The following ABCC12 variants were observed in gnomAD, a reference collection of about 807,000 sequenced individuals.
ABCC12 encodes ATP binding cassette subfamily C member 12.
In ABCC12, 142 loss-of-function variants were observed where a neutral mutation model predicts 151.1. The observed-to-expected ratio is 0.94, with a 90% CI of 0.82 to 1.08. The LOEUF is 1.08. Ranked by LOEUF, ABCC12 falls within the 50% of genes least tolerant of loss-of-function variation. The probability of loss-of-function intolerance (pLI) is 0.00; values close to 1 mark genes in which losing one functional copy is unlikely to be tolerated. For synonymous variants in ABCC12, 645 were observed against 646.4 expected, an observed-to-expected ratio of 1.00 and a Z score of 0.03; for missense variants, 1,638 against 1,691.1, an observed-to-expected ratio of 0.97 and a Z score of 0.55.
chr16:48,117,567 C>T (rs1311553173), intron 13 of ABCC12, among the ~76,000 whole-genome samples: 1 of 152,210 alleles, frequency 6.6e-6, no homozygotes, highest in Admixed American at 6.5e-5. Flanking sequence ...GGCCCCTTCC[C>T]TGGCAGGGTT....
At position 48,111,737 on chromosome 16, in the gene ABCC12, C is replaced by T. The variant is rs770936990; in HGVS notation, c.2124+39G>A. 22 of 1,613,816 alleles carry T rather than the reference C, an allele frequency of 1.4e-5. 1 individual carries two copies. Among genetic ancestry groups the T allele is most frequent in the East Asian group, 4.5e-5 (2 of 44,868 alleles). On this transcript the variant is annotated intron_variant, in intron 16 of 30. Transcript: ENST00000311303. ...CCAGGCACGAAATCCTGAGGGATTCCGCCCCAATTGTTCCCACACCTGCCC... is the reference window on the plus strand; with the variant it reads ...CCAGGCACGAAATCCTGAGGGATTCTGCCCCAATTGTTCCCACACCTGCCC...
chr16:48,105,521 T>C (rs1963462638), intron 20 of ABCC12, among the ~76,000 whole-genome samples, 185 bp from the exon 21 acceptor site: 1 of 152,206 alleles, frequency 6.6e-6, no homozygotes, highest in East Asian at 1.9e-4. Context: ...GGGTTCCTCC[T>C]GCTGGCACTC....
chr16:48,122,525 A>T (rs1964106466), intron 12 of ABCC12, among the ~76,000 whole-genome samples: 1 of 152,204 alleles, frequency 6.6e-6, no homozygotes, highest in African/African-American at 2.4e-5. Flanking sequence ...AGACAATGGT[A>T]GACAGCGGGG....
At chr16:48,146,072 T>C (rs8054564) in intron 3 of ABCC12, among the ~76,000 whole-genome samples, 14,783 of 152,144 alleles carry the variant, frequency 0.097, 820 homozygotes, top group African/African-American at 0.16. Flanking sequence ...CTTGGACAGG[T>C]CTGGATCATG....
Position 48,104,372 on chromosome 16 carries a change from T to C in ABCC12, c.2674-4A>G, listed in dbSNP as rs776698705. ...AACTCATTGGGCTCTTTAAGATCTG[T>C]GGAGAATGGTAGAGAGTCAAACAGA... On this transcript the variant is annotated splice_polypyrimidine_tract_variant and splice_region_variant and intron_variant, in intron 21 of 30. Coordinates refer to ENST00000311303, the MANE Select transcript of ABCC12 (RefSeq NM_001393797.1). 1.2e-6 allele frequency: 2 copies of C among 1,613,558 alleles called. No individual in the cohort carries two copies. The highest frequency in any genetic ancestry group is 1.1e-5 in the South Asian group (1 of 91,060).
At chr16:48,109,929 C>T (rs1757828059) in intron 18 of ABCC12, among the ~76,000 whole-genome samples, 4 of 152,208 alleles carry the variant, frequency 2.6e-5, no homozygotes, top group South Asian at 4.1e-4. Flanking sequence ...CTTTCACCGC[C>T]CTTGACAGCC....
chr16:48,121,595 T>C, intron 13 of ABCC12, 121 bp downstream of exon 13: 2 of 1,298,212 alleles, frequency 1.5e-6, no homozygotes, highest in Non-Finnish European at 2.1e-6. Flanking sequence ...ATCTGATGAA[T>C]GTTTAATCAG....
At chr16:48,121,931 C>A in intron 12 of ABCC12, 91 bp from the exon 13 acceptor site, 1 of 1,571,916 alleles carries the variant, frequency 6.4e-7, no homozygotes, top group Non-Finnish European at 8.6e-7. Context: ...ACATATTCCA[C>A]AAGCATTGGT....
intron 1 of ABCC12, among the ~76,000 whole-genome samples, chr16:48,155,281 TAC>T (rs757814036): frequency 6.6e-6 from 1 of 151,650 alleles, no homozygotes; most frequent in Non-Finnish European, 1.5e-5. Context: ...TCCATCCAGT[TAC>T]AGACACATTC....
chr16:48,082,164 C>G lies in ABCC12; in HGVS notation c.*1551G>C, dbSNP rs1962368671. ...CTGGAGCTGCCCACAGAAGGAACCC[C>G]CTGGCTCACGTCCTTCTCAGCCACA... On this transcript the variant is annotated 3_prime_UTR_variant, in exon 31 of 31. Transcript: ENST00000311303. 6.6e-6 allele frequency among the ~76,000 whole-genome samples: 1 copy of G among 152,192 alleles called. No homozygotes were observed.
chr16:48,131,004 T>G, intron 9 of ABCC12, 109 bp from the exon 10 acceptor site: 1 of 737,588 alleles, frequency 1.4e-6, no homozygotes, highest in South Asian at 1.6e-5. Context: ...GGTGGCATCG[T>G]TGGAATGTGC....
chr16:48,128,367 C>T lies in ABCC12; in HGVS notation c.1515+92G>A. Reference sequence around the variant, plus strand: ...AGAGACATCCCATCACCACCTTCAGCTCTAACTGAACTGTATCAGACCTGG... The same window carrying T: ...AGAGACATCCCATCACCACCTTCAGTTCTAACTGAACTGTATCAGACCTGG... On this transcript the variant is annotated intron_variant, in intron 11 of 30. Coordinates refer to ENST00000311303, the MANE Select transcript of ABCC12 (RefSeq NM_001393797.1). 18 of 1,528,158 alleles carry T rather than the reference C, an allele frequency of 1.2e-5. No homozygotes were observed. The South Asian group carries it at 1.9e-4, about 16-fold the overall frequency. The allele number at this position is 1,528,158 out of a possible 1,614,324, so 94.7% of individuals were successfully genotyped here.
In ABCC12 at chr16:48,144,070, A is replaced by T. The variant is rs1964918341; in HGVS notation, c.120-5T>A. ...TCCACCGGGTTGGGTGCTAACCTGCAGACAAACAAGACACTCAGCGTTCCA... is the reference window on the plus strand; with the variant it reads ...TCCACCGGGTTGGGTGCTAACCTGCTGACAAACAAGACACTCAGCGTTCCA... On this transcript the variant is annotated splice_polypyrimidine_tract_variant and splice_region_variant and intron_variant, in intron 3 of 30. Transcript: ENST00000311303. The T allele has an allele frequency of 6.2e-7, 1 of 1,610,954 alleles. No individual in the cohort carries two copies. The highest frequency in any genetic ancestry group is 8.5e-7 in the Non-Finnish European group (1 of 1,178,038).
intron 13 of ABCC12, among the ~76,000 whole-genome samples, chr16:48,120,128 T>A (rs1964017511): frequency 6.6e-6 from 1 of 152,184 alleles, no homozygotes; most frequent in Admixed American, 6.5e-5. Context: ...ATATACACCA[T>A]AGAATACTAT....
rs1964313211 is a variant in ABCC12, at chr16:48,128,501, G to T, written c.1473C>A (p.Ser491Arg). Residue 491 changes from serine (S) to arginine (R), a missense_variant, in exon 11 of 31, where the codon AGC (serine) becomes AGA (arginine). Physicochemically the swap from Ser to Arg is moderately radical, Grantham distance 110. Transcript: ENST00000311303. Reference protein sequence around the residue: ...GATGPEEQSDSLKSVLHSISF... With the variant: ...GATGPEEQSDRLKSVLHSISF... ...TTATGCTGTGCAGAACCGATTTGAG[G>T]CTGTCACTTTGCTCCTCTGGGCCAG... 2 of 1,614,232 alleles carry T rather than the reference G, an allele frequency of 1.2e-6. No homozygotes were observed. The highest frequency in any genetic ancestry group is 1.7e-6 in the Non-Finnish European group (2 of 1,180,052).
chr16:48,138,181 A>T (rs369870872), intron 8 of ABCC12, 47 bp downstream of exon 8: 39 of 1,554,526 alleles, frequency 2.5e-5, no homozygotes, highest in Non-Finnish European at 3.4e-5. Context: ...TTAGAAGAGC[A>T]TATTCTACAA....
In ABCC12 at chr16:48,126,556, C is replaced by T. The variant is rs1485934282; in HGVS notation, c.1515+1903G>A. Among the ~76,000 whole-genome samples the T allele has an allele frequency of 1.3e-5, 2 of 152,202 alleles. 1 individual carries two copies. The highest frequency in any genetic ancestry group is 4.1e-4 in the South Asian group (2 of 4,828). On this transcript the variant is annotated intron_variant, in intron 11 of 30. Coordinates refer to ENST00000311303, the MANE Select transcript of ABCC12 (RefSeq NM_001393797.1). ...TTAAAGAAAAAGGCAACAATCATAC[C>T]TAACATCAGCTAAGACTTACTATGG...
At chr16:48,146,246 C>T in intron 3 of ABCC12, 60 bp downstream of exon 3, 1 of 1,516,748 alleles carries the variant, frequency 6.6e-7, no homozygotes, top group Non-Finnish European at 9.2e-7. Flanking sequence ...GCCCACTCTC[C>T]TGATGGACAT....
chr16:48,117,453 G>A, intron 13 of ABCC12, 120 bp from the exon 14 acceptor site: 1 of 1,023,712 alleles, frequency 9.8e-7, no homozygotes, highest in Non-Finnish European at 1.4e-6. Flanking sequence ...CGGCTGCTAT[G>A]TCCAAGGCTC....
Sources: gnomAD v4.1 joint callset for allele counts (sites outside exome capture counted in the v4.1 genomes callset) on GRCh38, gnomAD v4.1.1 for gene constraint, MANE v1.5 for transcripts, NCBI Gene and HGNC (gene_info 2026-07-23, HGNC 2026-07-21) for gene names.